Variants in KIF1B observed in about 807,000 individuals in gnomAD.
KIF1B encodes kinesin family member 1B.
Under a neutral mutation model 241.9 loss-of-function variants are expected in KIF1B, and 76 were observed. The observed-to-expected ratio is 0.31, with a 90% confidence interval of 0.26 to 0.38. The LOEUF is 0.38. KIF1B is among the 10% of genes least tolerant of loss of function. The pLI is 1.00. For missense variants in KIF1B, 1,622 were observed against 2,271.4 expected (o/e 0.71, Z 5.81); for synonymous variants, 750 against 796.7 (o/e 0.94, Z 0.99).
At position 10,375,051 on chromosome 1, in the gene KIF1B, G is replaced by A; in HGVS notation, c.5289+5G>A. 4 of 1,613,888 alleles carry A rather than the reference G, an allele frequency of 2.5e-6. No homozygotes were observed. The highest frequency in any genetic ancestry group is 3.4e-6 in the Non-Finnish European group (4 of 1,179,820). On this transcript the variant is annotated splice_donor_5th_base_variant and intron_variant, in intron 47 of 48. Transcript: ENST00000676179. ...GACCAGCAGGCCATGGTGAAGGTCCGTCCTGCCCTGCCTTGGTTTCTTATT... is the reference window on the plus strand; with the variant it reads ...GACCAGCAGGCCATGGTGAAGGTCCATCCTGCCCTGCCTTGGTTTCTTATT...
intron 1 of KIF1B, among the ~76,000 whole-genome samples, chr1:10,224,396 G>A (rs1646884919): frequency 6.6e-6 from 1 of 152,244 alleles, no homozygotes; most frequent in South Asian, 2.1e-4. Context: ...GATTACAAGC[G>A]TGAGCTGCCG....
At chr1:10,359,339 G>A (rs568417554) in intron 38 of KIF1B, among the ~76,000 whole-genome samples, 4 of 152,252 alleles carry the variant, frequency 2.6e-5, no homozygotes, top group South Asian at 4.1e-4. Flanking sequence ...TTCTATCTGC[G>A]GAGAACTAGT....
At chr1:10,298,061 A>C (rs1479392141) in intron 22 of KIF1B, among the ~76,000 whole-genome samples, 1 of 152,234 alleles carries the variant, frequency 6.6e-6, no homozygotes. Flanking sequence ...AGCCAACCAA[A>C]CAACCAATTT....
At chr1:10,366,215 A>G (rs1296732723) in intron 43 of KIF1B, among the ~76,000 whole-genome samples, 1 of 152,208 alleles carries the variant, frequency 6.6e-6, no homozygotes, top group African/African-American at 2.4e-5. Context: ...TGAGCGACAG[A>G]GTGACACTCC....
At position 10,345,905 on chromosome 1, in the gene KIF1B, A is replaced by G; in HGVS notation, c.3749A>G (p.Tyr1250Cys). 6 of 1,614,204 alleles carry G rather than the reference A, an allele frequency of 3.7e-6. No individual in the cohort carries two copies. The highest frequency in any genetic ancestry group is 5.1e-6 in the Non-Finnish European group (6 of 1,180,012). ...AGCCTTGGCCAGAGCATGAGCAAGT[A>G]TGACCTCCTGGTTTGGTTTGAGATC... ...KTSLGQSMSK[Y>C]DLLVWFEISE... Residue 1250 changes from tyrosine to cysteine, a missense_variant, in exon 35 of 49, where the codon TAT becomes TGT. By Grantham distance (194) the Tyr-to-Cys change is radical. Around this residue, in one of 7 missense-constraint regions of KIF1B, gnomAD observed 803 missense variants for 1,112.0 expected, o/e 0.72. Transcript: ENST00000676179.
chr1:10,249,699 C>G (rs1042007210), intron 2 of KIF1B, among the ~76,000 whole-genome samples: 30 of 152,072 alleles, frequency 2.0e-4, no homozygotes, highest in Admixed American at 1.1e-3. Flanking sequence ...CCCAGGAGTT[C>G]GAGACCAGCT....
chr1:10,374,952 T>C lies in KIF1B; in HGVS notation c.5195T>C (p.Ile1732Thr), dbSNP rs1234305156. 4 of 1,614,198 alleles carry C rather than the reference T, an allele frequency of 2.5e-6. No homozygotes were observed. The South Asian group carries it at 4.4e-5, about 18-fold the overall frequency. Residue 1732 changes from isoleucine to threonine, a missense_variant, in exon 47 of 49, where the codon ATC (isoleucine) becomes ACC (threonine). Transcript: ENST00000676179. This position sits in a 1 kb window ranked among gnomAD's most constrained non-coding sequence, Gnocchi z 4.3. ...FVVVRRPYVF[I>T]YNSDKDPVER... ...GTCGTCCGTCGGCCTTATGTCTTCA[T>C]CTATAACAGTGACAAAGACCCTGTG...
Position 10,212,866 on chromosome 1 carries a change from A to ATG in KIF1B, c.-80+1999_-80+2000dup, listed in dbSNP as rs70998360. Among the ~76,000 whole-genome samples the ATG allele has an allele frequency of 3.9e-3, 548 of 141,380 alleles. 1 individual carries two copies. Among genetic ancestry groups the ATG allele is most frequent in the Middle Eastern group, 0.011 (3 of 274 alleles). The allele number at this position is 141,380 out of a possible 152,430, so 92.8% of individuals were successfully genotyped here. A position where few individuals can be genotyped will look rare whatever the true frequency, so the allele number is the denominator to read the frequency against. On this transcript the variant is annotated intron_variant, in intron 1 of 48. Coordinates refer to ENST00000676179, the MANE Select transcript of KIF1B (RefSeq NM_001365951.3). ...TAAAAAAAAAAATGTGTATATATAT[A>ATG]TGTGTGTGTGTGCATGCGTGTGTGT...
intron 27 of KIF1B, among the ~76,000 whole-genome samples, chr1:10,333,284 C>A (rs957020871): frequency 6.6e-6 from 1 of 151,236 alleles, no homozygotes; most frequent in South Asian, 2.1e-4. Flanking sequence ...ACAGGAGAAT[C>A]GCTTGAACCC....
At chr1:10,347,938 CG>C in intron 36 of KIF1B, 111 bp downstream of exon 36, 1 of 919,352 alleles carries the variant, frequency 1.1e-6, no homozygotes, top group South Asian at 1.3e-5. Context: ...AGAGGGTGGG[CG>C]GGGCATTGTC....
chr1:10,357,096 C>T (rs963001073), intron 38 of KIF1B, among the ~76,000 whole-genome samples: 3 of 152,078 alleles, frequency 2.0e-5, no homozygotes, highest in African/African-American at 7.2e-5. Context: ...CCCACGCTGG[C>T]CTCAAATTCC....
At position 10,352,756 on chromosome 1, in the gene KIF1B, G is replaced by A; in HGVS notation, c.4055+20G>A. ...TAGCAGGTGGGACACCCAGAGCAGT[G>A]TGAAGAAGTCCACACTTGCAGGCGT... On this transcript the variant is annotated intron_variant, in intron 38 of 48. Transcript: ENST00000676179. The A allele has an allele frequency of 6.3e-7, 1 of 1,575,364 alleles. No homozygotes were observed. Among genetic ancestry groups the A allele is most frequent in the Non-Finnish European group, 8.7e-7 (1 of 1,145,114 alleles).
intron 6 of KIF1B, 41 bp downstream of exon 6, chr1:10,267,599 C>G: frequency 6.3e-7 from 1 of 1,595,626 alleles, no homozygotes; most frequent in Non-Finnish European, 8.6e-7. Context: ...TCTTTGGCAC[C>G]TTTTGAGGTC....
At chr1:10,224,819 A>G (rs1373369364) in intron 1 of KIF1B, among the ~76,000 whole-genome samples, 1 of 152,202 alleles carries the variant, frequency 6.6e-6, no homozygotes, top group African/African-American at 2.4e-5. Context: ...ATTGTATTCA[A>G]GACCCATCCT....
At chr1:10,291,186 G>A (rs764368402) in intron 16 of KIF1B, 25 bp downstream of exon 16, 1 of 1,490,178 alleles carries the variant, frequency 6.7e-7, no homozygotes, top group East Asian at 2.3e-5. Context: ...ATCTGGAAAT[G>A]TTTCTAAGTT....
rs1222194805 is a variant in KIF1B, at chr1:10,303,180, C to G, written c.2115+5934C>G. On this transcript the variant is annotated intron_variant, in intron 22 of 48. Coordinates refer to ENST00000676179, the MANE Select transcript of KIF1B (RefSeq NM_001365951.3). The surrounding 1 kb of genome is among the most constrained non-coding windows in gnomAD (Gnocchi z 5.2). ...TTCCAAAGGACGCGGATTCTGATAGCGGGGACGATTCTGACAAGAGGTCGT... is the reference window on the plus strand; with the variant it reads ...TTCCAAAGGACGCGGATTCTGATAGGGGGGACGATTCTGACAAGAGGTCGT... The G allele has an allele frequency of 8.1e-6, 13 of 1,612,988 alleles. No homozygotes were observed. The highest frequency in any genetic ancestry group is 1.0e-5 in the Non-Finnish European group (12 of 1,179,612).
chr1:10,364,650 G>T (rs1246934768), intron 41 of KIF1B, among the ~76,000 whole-genome samples: 1 of 152,034 alleles, frequency 6.6e-6, no homozygotes. Context: ...CAGTTGCTTT[G>T]CTATTTAAAC....
rs1345626148 is a variant in KIF1B at position 10,324,804 on chromosome 1, A to C, written c.2584A>C (p.Met862Leu). 6 of 1,613,830 alleles carry C rather than the reference A, an allele frequency of 3.7e-6. No individual in the cohort carries two copies. The African/African-American group carries it at 8.0e-5, about 22-fold the overall frequency. The change falls in exon 26 of 49, where the codon ATG becomes CTG. Residue 862 changes from methionine to leucine, a missense_variant. By Grantham distance (15) the Met-to-Leu change is conservative. Coordinates refer to ENST00000676179, the MANE Select transcript of KIF1B (RefSeq NM_001365951.3). Reference protein sequence around the residue: ...MREMYDRAGEMASSAQDESET... With the variant: ...MREMYDRAGELASSAQDESET... ...AGAGATGTATGATAGGGCAGGGGAG[A>C]TGGCCTCCAGTGCCCAAGACGAAAG...
rs1425149059 is a variant in KIF1B at position 10,326,015 on chromosome 1, C to A, written c.2676-96C>A. ...ATTTGCTTTTATTGTGTTGATTCCC[C>A]AGTGGATTCTGTCCTGTTAGCACCT... is the stretch of plus-strand genomic sequence containing the variant. On this transcript the variant is annotated intron_variant, in intron 26 of 48. Coordinates refer to ENST00000676179, the MANE Select transcript of KIF1B (RefSeq NM_001365951.3). This position sits in a 1 kb window ranked among gnomAD's most constrained non-coding sequence, Gnocchi z 5.2. The A allele has an allele frequency of 1.4e-6, 2 of 1,469,590 alleles. No individual in the cohort carries two copies. Among genetic ancestry groups the A allele is most frequent in the Non-Finnish European group, 1.9e-6 (2 of 1,056,172 alleles). 91.0% of individuals were successfully genotyped at this position (1,469,590 alleles called of 1,614,324 possible).
Sources: gnomAD v4.1 joint callset for allele counts (sites outside exome capture counted in the v4.1 genomes callset) on GRCh38, gnomAD v4.1.1 for gene constraint, gnomAD v4.1.1 regional missense constraint, Gnocchi (gnomAD v3.1) non-coding constraint, MANE v1.5 for transcripts, NCBI Gene and HGNC (gene_info 2026-07-23, HGNC 2026-07-21) for gene names.